CIMIP6: variants seen among roughly 807,000 people sequenced by gnomAD.
The protein encoded by CIMIP6 is ciliary microtubule inner protein 6.
the CIMIP6 span, chr2:54,360,951 C>T: frequency 6.3e-6 from 1 of 158,544 alleles, no homozygotes; most frequent in Non-Finnish European, 1.4e-5. Context: ...GGGTAAGTAA[C>T]TTAACCTCTC....
chr2:54,348,511 T>A, the CIMIP6 span, among the ~76,000 whole-genome samples: 6 of 152,216 alleles, frequency 3.9e-5, no homozygotes, highest in Admixed American at 3.3e-4. Flanking sequence ...AATAAATATT[T>A]ATTAGTTAAA....
the CIMIP6 span, among the ~76,000 whole-genome samples, chr2:54,357,823 G>C: frequency 1.3e-5 from 2 of 150,972 alleles, no homozygotes; most frequent in Non-Finnish European, 2.9e-5. Flanking sequence ...TTGACCTTGT[G>C]ATCTGCCTGC....
chr2:54,370,325 GA>G, the CIMIP6 span, among the ~76,000 whole-genome samples: 4 of 151,996 alleles, frequency 2.6e-5, no homozygotes, highest in South Asian at 2.1e-4. Flanking sequence ...AAGGAAGCAG[GA>G]AAAAAGTTAA....
the CIMIP6 span, chr2:54,331,086 G>A: frequency 2.2e-6 from 3 of 1,372,156 alleles, no homozygotes; most frequent in African/African-American, 2.9e-5. Context: ...AGCATGGACA[G>A]TCCAGGCCAA....
At chr2:54,365,685 C>A in the CIMIP6 span, among the ~76,000 whole-genome samples, 1 of 152,064 alleles carries the variant, frequency 6.6e-6, no homozygotes, top group Non-Finnish European at 1.5e-5. Flanking sequence ...TCCTGAACAG[C>A]CTGCAGAACC....
the CIMIP6 span, chr2:54,359,162 G>C: frequency 2.5e-6 from 2 of 792,400 alleles, no homozygotes; most frequent in African/African-American, 1.8e-5. Flanking sequence ...TTATCTTTCT[G>C]TCTATTTAAA....
At chr2:54,358,623 G>T in the CIMIP6 span, among the ~76,000 whole-genome samples, 1 of 152,036 alleles carries the variant, frequency 6.6e-6, no homozygotes, top group African/African-American at 2.4e-5. Context: ...TCAAACTCCT[G>T]GGCTCAAGCA....
the CIMIP6 span, among the ~76,000 whole-genome samples, chr2:54,365,976 A>G: frequency 1.3e-5 from 2 of 152,224 alleles, no homozygotes; most frequent in African/African-American, 4.8e-5. Context: ...GAGTTCCAGA[A>G]GGATATTATA....
the CIMIP6 span, chr2:54,381,793 C>A: frequency 6.7e-7 from 1 of 1,500,874 alleles, no homozygotes; most frequent in Non-Finnish European, 8.9e-7. Flanking sequence ...TGATTGTAAA[C>A]CATCAGACTT....
chr2:54,336,755 G>C, the CIMIP6 span, among the ~76,000 whole-genome samples: 1 of 152,198 alleles, frequency 6.6e-6, no homozygotes, highest in Non-Finnish European at 1.5e-5. Context: ...TTTTAAATTG[G>C]TGGTCAGAGA....
chr2:54,372,484 G>C, the CIMIP6 span, among the ~76,000 whole-genome samples: 3 of 152,122 alleles, frequency 2.0e-5, no homozygotes, highest in South Asian at 2.1e-4. Flanking sequence ...CTGCGAATCT[G>C]GGCAAGCTTG....
chr2:54,355,383 C>G, the CIMIP6 span, among the ~76,000 whole-genome samples: 69 of 152,204 alleles, frequency 4.5e-4, 1 homozygote, highest in African/African-American at 1.5e-3. Flanking sequence ...TAAGGAGGCA[C>G]TCACTCCCAG....
chr2:54,370,611 C>G, the CIMIP6 span, among the ~76,000 whole-genome samples: 4 of 152,160 alleles, frequency 2.6e-5, no homozygotes, highest in South Asian at 2.1e-4. Context: ...CTAGTGACTC[C>G]TAAGCTGACA....
At chr2:54,347,382 C>T in the CIMIP6 span, among the ~76,000 whole-genome samples, 1 of 152,288 alleles carries the variant, frequency 6.6e-6, no homozygotes, top group South Asian at 2.1e-4. Flanking sequence ...AAGTGGAATT[C>T]CAGTCAGTGG....
the CIMIP6 span, chr2:54,360,446 T>G: frequency 6.3e-7 from 1 of 1,592,808 alleles, no homozygotes; most frequent in Non-Finnish European, 8.6e-7. Context: ...AGCCAAGGCA[T>G]GCCCCAGCAC....
At chr2:54,360,366 T>C in the CIMIP6 span, 1 of 1,610,310 alleles carries the variant, frequency 6.2e-7, no homozygotes, top group East Asian at 2.2e-5. Context: ...TCACCAGGTC[T>C]CTGCCAACAA....
the CIMIP6 span, among the ~76,000 whole-genome samples, chr2:54,377,167 G>T: frequency 2.6e-4 from 39 of 152,106 alleles, no homozygotes; most frequent in Non-Finnish European, 5.1e-4. Flanking sequence ...TCCATGGTGT[G>T]CTGATAAACG....
At chr2:54,332,132 A>G in the CIMIP6 span, among the ~76,000 whole-genome samples, 1 of 152,182 alleles carries the variant, frequency 6.6e-6, no homozygotes. Context: ...TGGCAGTTAC[A>G]GTTCACTCTG....
chr2:54,333,053 A>G, the CIMIP6 span, among the ~76,000 whole-genome samples: 1 of 152,200 alleles, frequency 6.6e-6, no homozygotes, highest in African/African-American at 2.4e-5. Context: ...ACTCCAGCAG[A>G]TTCACCAGAA....
Sources: gnomAD v4.1 joint callset for allele counts (sites outside exome capture counted in the v4.1 genomes callset) on GRCh38, gnomAD v4.1.1 for gene constraint, MANE v1.5 for transcripts, NCBI Gene and HGNC (gene_info 2026-07-23, HGNC 2026-07-21) for gene names.